MTUS1: variants seen among roughly 807,000 people sequenced by gnomAD.
MTUS1 encodes microtubule-associated tumor suppressor 1.
A neutral mutation model predicts 120.8 loss-of-function variants in MTUS1; 109 were observed. The observed-to-expected ratio is 0.90, with a 90% CI of 0.77 to 1.06. The LOEUF (loss-of-function observed/expected upper bound fraction) is 1.06. Ranked by LOEUF, MTUS1 falls within the 50% of genes least tolerant of loss-of-function variation. The probability of loss-of-function intolerance (pLI) is 0.00; values close to 1 mark genes in which losing one functional copy is unlikely to be tolerated. For synonymous variants in MTUS1, 737 were observed against 550.5 expected (o/e 1.34, Z -4.74); for missense variants, 2,210 against 1,486.3 (o/e 1.49, Z -8.01).
intron 1 of MTUS1, among the ~76,000 whole-genome samples, chr8:17,792,564 T>C (rs1027678021): frequency 6.6e-6 from 1 of 152,170 alleles, no homozygotes; most frequent in Non-Finnish European, 1.5e-5. Flanking sequence ...TCAAAAACAC[T>C]ATAAAGCAAC....
intron 6 of MTUS1, among the ~76,000 whole-genome samples, chr8:17,709,861 G>A (rs1192174407): frequency 1.3e-5 from 2 of 151,918 alleles, no homozygotes; most frequent in Non-Finnish European, 2.9e-5. Flanking sequence ...CAAAAAATTA[G>A]CCGGGCATGG....
At chr8:17,727,231 A>G (rs2046284269) in intron 3 of MTUS1, among the ~76,000 whole-genome samples, 1 of 152,212 alleles carries the variant, frequency 6.6e-6, no homozygotes, top group Non-Finnish European at 1.5e-5. Flanking sequence ...TGATAGAATA[A>G]TCCTAACAGT....
At chr8:17,799,571 T>C (rs2052515736) in intron 1 of MTUS1, among the ~76,000 whole-genome samples, 2 of 152,150 alleles carry the variant, frequency 1.3e-5, no homozygotes, top group African/African-American at 4.8e-5. Flanking sequence ...AACAGGGCTA[T>C]TAAGTAACAG....
chr8:17,709,123 C>T (rs1585855717), intron 6 of MTUS1, among the ~76,000 whole-genome samples: 1 of 140,812 alleles, frequency 7.1e-6, no homozygotes, highest in Admixed American at 7.2e-5. Context: ...GGCGACAGAG[C>T]AAGACTCTGC....
chr8:17,797,108 T>A (rs919326227), intron 1 of MTUS1, among the ~76,000 whole-genome samples: 6 of 152,046 alleles, frequency 3.9e-5, no homozygotes, highest in African/African-American at 7.2e-5. Flanking sequence ...AGAGTGAGAC[T>A]CCATCTCAAA....
chr8:17,731,682 A>G (rs1295493659), intron 3 of MTUS1, among the ~76,000 whole-genome samples: 1 of 152,226 alleles, frequency 6.6e-6, no homozygotes, highest in Admixed American at 6.5e-5. Flanking sequence ...CAAAATAAAA[A>G]GACATAAAAA....
At chr8:17,660,345 C>T (rs909870000) in intron 8 of MTUS1, among the ~76,000 whole-genome samples, 1 of 152,156 alleles carries the variant, frequency 6.6e-6, no homozygotes, top group African/African-American at 2.4e-5. Flanking sequence ...TGCACTCCAG[C>T]CTGGGTGACA....
chr8:17,706,622 T>A (rs1386454256), intron 6 of MTUS1, among the ~76,000 whole-genome samples: 1 of 152,232 alleles, frequency 6.6e-6, no homozygotes, highest in African/African-American at 2.4e-5. Context: ...GAAAACAATT[T>A]GGCTATTTGA....
intron 1 of MTUS1, among the ~76,000 whole-genome samples, chr8:17,768,134 C>T (rs923939593): frequency 1.3e-5 from 2 of 152,136 alleles, no homozygotes; most frequent in African/African-American, 4.8e-5. Context: ...AGAAGGAAGC[C>T]ACAGCAGATA....
At chr8:17,735,319 G>A (rs959018499) in intron 3 of MTUS1, among the ~76,000 whole-genome samples, 1 of 151,960 alleles carries the variant, frequency 6.6e-6, no homozygotes, top group East Asian at 1.9e-4. Context: ...GGCGGTTGGG[G>A]AGACACTTAG....
At chr8:17,660,793 T>A (rs7018071) in intron 8 of MTUS1, among the ~76,000 whole-genome samples, 1 of 151,880 alleles carries the variant, frequency 6.6e-6, no homozygotes, top group South Asian at 2.1e-4. Flanking sequence ...AGCCATATGA[T>A]AGAAATAAAA....
chr8:17,756,671 A>ACCACCCC (rs1554526123), intron 1 of MTUS1, among the ~76,000 whole-genome samples: 2 of 117,484 alleles, frequency 1.7e-5, no homozygotes, highest in Non-Finnish European at 1.7e-5. Context: ...TCAAGCCCAA[A>ACCACCCC]CCCCCACCCC....
intron 12 of MTUS1, among the ~76,000 whole-genome samples, 166 bp from the exon 13 acceptor site, chr8:17,650,128 C>T (rs1393676810): frequency 6.6e-6 from 1 of 152,160 alleles, no homozygotes; most frequent in Non-Finnish European, 1.5e-5. Context: ...ACCTTAATGT[C>T]GAAGACTGGT....
At chr8:17,774,341 T>C (rs1344113314) in intron 1 of MTUS1, among the ~76,000 whole-genome samples, 1 of 152,104 alleles carries the variant, frequency 6.6e-6, no homozygotes, top group Non-Finnish European at 1.5e-5. Flanking sequence ...GAAACAAAGG[T>C]GTTGCTTTTC....
chr8:17,681,456 C>T (rs1164616969), intron 7 of MTUS1: 2 of 153,164 alleles, frequency 1.3e-5, no homozygotes, highest in Non-Finnish European at 2.9e-5. Context: ...TCTCCTCTTG[C>T]TAGCTGTCTG....
intron 8 of MTUS1, among the ~76,000 whole-genome samples, chr8:17,673,509 C>T (rs147160509): frequency 2.8e-4 from 43 of 152,260 alleles, no homozygotes; most frequent in African/African-American, 9.9e-4. Context: ...TGGAGGGCAG[C>T]AGCACAATGA....
At chr8:17,778,079 T>C (rs1430003784) in intron 1 of MTUS1, among the ~76,000 whole-genome samples, 1 of 152,170 alleles carries the variant, frequency 6.6e-6, no homozygotes, top group African/African-American at 2.4e-5. Context: ...CCTGTGTTAT[T>C]AAACTAGGAA....
rs749384278 is a variant in MTUS1 at position 17,743,812 on chromosome 8, C to T, written c.2092-13G>A. The stretch of plus-strand genomic sequence containing the variant: ...TTGAAGCAGAGCCCTGTGAAAATAA[C>T]AGTTAAGACTGTAAACCAAAACTAA... On this transcript the variant is annotated splice_polypyrimidine_tract_variant and intron_variant, in intron 2 of 14. Transcript: ENST00000693296. 2 of 1,607,718 alleles carry T rather than the reference C, an allele frequency of 1.2e-6. No homozygotes were observed. The highest frequency in any genetic ancestry group is 1.7e-5 in the Admixed American group (1 of 59,232).
intron 4 of MTUS1, chr8:17,722,727 A>G (rs1215489087): frequency 2.2e-5 from 4 of 182,270 alleles, no homozygotes; most frequent in African/African-American, 7.1e-5. Flanking sequence ...CTGAGCCTCA[A>G]TCACCTTCTA....
Sources: allele counts gnomAD v4.1 joint callset (sites outside exome capture counted in the v4.1 genomes callset), GRCh38; gene constraint gnomAD v4.1.1; transcripts MANE v1.5; gene names NCBI Gene and HGNC (gene_info 2026-07-23, HGNC 2026-07-21).